Variants in MIB1 observed in about 807,000 individuals in gnomAD.
MIB1 encodes the protein E3 ubiquitin-protein ligase MIB1.
Under a neutral mutation model 124.5 loss-of-function variants are expected in MIB1, and 278 were observed. That is an observed-to-expected ratio of 2.23 (90% confidence interval 2.02 to 2.47). The LOEUF is 2.47. Ranked by LOEUF, MIB1 falls within the 30% of genes most tolerant of loss-of-function variation. The pLI is 0.00. For missense variants in MIB1, 957 were observed against 1,254.4 expected (o/e 0.76, Z 3.58); for synonymous variants, 446 against 429.4 (o/e 1.04, Z -0.48).
At chr18:21,707,029 A>G (rs1345857276) in intron 1 of MIB1, among the ~76,000 whole-genome samples, 1 of 152,222 alleles carries the variant, frequency 6.6e-6, no homozygotes, top group African/African-American at 2.4e-5. Context: ...GGGATTGTAA[A>G]TACACCAATC....
intron 1 of MIB1, among the ~76,000 whole-genome samples, chr18:21,723,440 A>G (rs1410616469): frequency 2.6e-5 from 4 of 152,138 alleles, no homozygotes; most frequent in Non-Finnish European, 5.9e-5. Context: ...ACTGGATATC[A>G]CTGCTTTTAG....
chr18:21,803,872 A>T, intron 9 of MIB1, 35 bp from the exon 10 acceptor site: 29 of 1,146,380 alleles, frequency 2.5e-5, no homozygotes, highest in Non-Finnish European at 3.4e-5. Context: ...CTGATTATTC[A>T]TTCATTCTTT....
intron 16 of MIB1, among the ~76,000 whole-genome samples, chr18:21,848,886 G>A (rs2042157722): frequency 6.6e-6 from 1 of 151,966 alleles, no homozygotes; most frequent in Non-Finnish European, 1.5e-5. Flanking sequence ...AACAGGTTCT[G>A]AGCAAAATTT....
chr18:21,827,386 T>C (rs1598630340), intron 12 of MIB1: 3 of 152,130 alleles, frequency 2.0e-5, no homozygotes, highest in Admixed American at 6.6e-5. Flanking sequence ...CTTAATATTA[T>C]AGCAAAGAGA....
chr18:21,772,407 G>A (rs139278004), intron 3 of MIB1, among the ~76,000 whole-genome samples: 5 of 152,148 alleles, frequency 3.3e-5, no homozygotes, highest in African/African-American at 1.2e-4. Context: ...TCATTTTTGT[G>A]TACAGGTTGA....
At chr18:21,860,868 C>G (rs1774944031) in intron 20 of MIB1, among the ~76,000 whole-genome samples, 1 of 152,088 alleles carries the variant, frequency 6.6e-6, no homozygotes, top group South Asian at 2.1e-4. Context: ...GACCCTGTCT[C>G]TACAAAAATT....
chr18:21,777,642 C>A (rs547125929), intron 4 of MIB1, among the ~76,000 whole-genome samples: 96 of 152,074 alleles, frequency 6.3e-4, no homozygotes, highest in Non-Finnish European at 1.4e-3. Flanking sequence ...GCAACCTCTG[C>A]CTCCCGGGTT....
intron 1 of MIB1, among the ~76,000 whole-genome samples, chr18:21,718,282 G>A (rs572823355): frequency 2.6e-5 from 4 of 152,064 alleles, no homozygotes; most frequent in Non-Finnish European, 2.9e-5. Flanking sequence ...TACAAATTGG[G>A]TGCAGTGTAT....
intron 13 of MIB1, among the ~76,000 whole-genome samples, chr18:21,840,657 ATATATATATTTTTTTTT>A (rs1421068010): frequency 3.0e-3 from 5 of 1,684 alleles, no homozygotes; most frequent in African/African-American, 8.0e-3. Flanking sequence ...ATATATATAT[ATATATATATTTTTTTTT>A]TTTTTTAATT....
At chr18:21,856,327 T>TAGGA (rs1397514442) in intron 18 of MIB1, among the ~76,000 whole-genome samples, 2 of 151,598 alleles carry the variant, frequency 1.3e-5, no homozygotes, top group Admixed American at 1.3e-4. Flanking sequence ...CTTATTGGAA[T>TAGGA]AGGAATGCAT....
chr18:21,856,155 G>A (rs573450638), intron 18 of MIB1, among the ~76,000 whole-genome samples: 1 of 151,160 alleles, frequency 6.6e-6, no homozygotes, highest in Admixed American at 6.6e-5. Flanking sequence ...GCGTGAACCC[G>A]GGAAGCGGAG....
At chr18:21,862,531 A>G (rs2042285085) in intron 20 of MIB1, among the ~76,000 whole-genome samples, 1 of 152,226 alleles carries the variant, frequency 6.6e-6, no homozygotes, top group Non-Finnish European at 1.5e-5. Context: ...TTTCAGACAT[A>G]TACCTGACAT....
rs183725159 is a variant in MIB1 at position 21,729,753 on chromosome 18, G to A, written n.167+24630G>A. 2.7e-3 allele frequency among the ~76,000 whole-genome samples: 418 copies of A among 152,300 alleles called. 1 individual carries two copies. The highest frequency in any genetic ancestry group is 9.8e-3 in the African/African-American group (406 of 41,564). ...GATCCGCCTGCCTCAACCTCCCAAA[G>A]TGCTGGGACTACAGGAGTGAGCCAC... On this transcript the variant is annotated intron_variant and non_coding_transcript_variant, in intron 1 of 20. Coordinates refer to the MIB1 transcript ENST00000578646.
Position 21,741,740 on chromosome 18 carries a change from GA to G in MIB1, c.158del (p.Asp53AlafsTer68). 6.2e-7 allele frequency: 1 copy of G among 1,611,360 alleles called. No individual in the cohort carries two copies. Among genetic ancestry groups the G allele is most frequent in the African/African-American group, 1.3e-5 (1 of 75,016 alleles). On this transcript the variant is annotated frameshift_variant, in exon 1 of 21. Coordinates refer to ENST00000261537, the MANE Select transcript of MIB1 (RefSeq NM_020774.4). LOFTEE classifies it high-confidence loss of function. The surrounding 1 kb of genome is among the most constrained non-coding windows in gnomAD (Gnocchi z 5.4). ...CCCCGAGGAGGTGGTGGTAGTGTGG[GA>G]CAACGGCACAGCTGCCAACTACCGC... ...ESPEEVVVVWDNGTAANYRCS... is the reference protein window; with the variant it reads ...ESPEEVVVVWXNGTAANYRCS...
intron 19 of MIB1, among the ~76,000 whole-genome samples, chr18:21,858,123 T>A (rs2042244220): frequency 6.6e-6 from 1 of 152,222 alleles, no homozygotes; most frequent in African/African-American, 2.4e-5. Context: ...TACGTCCTCA[T>A]AAAAATCATC....
At chr18:21,705,227 A>G (rs568570112) in intron 1 of MIB1, 2 of 152,416 alleles carry the variant, frequency 1.3e-5, no homozygotes, top group East Asian at 3.9e-4. Flanking sequence ...CCTCAAGACT[A>G]TGGAAAGAGA....
At chr18:21,777,788 C>T (rs999893340) in intron 4 of MIB1, among the ~76,000 whole-genome samples, 2 of 152,090 alleles carry the variant, frequency 1.3e-5, no homozygotes, top group African/African-American at 2.4e-5. Context: ...GAACTCCTGA[C>T]CTCAAGTGAT....
chr18:21,848,451 C>CAA (rs529907005), intron 16 of MIB1, among the ~76,000 whole-genome samples: 8 of 142,082 alleles, frequency 5.6e-5, no homozygotes, highest in Admixed American at 4.9e-4. Flanking sequence ...ATTCTGTCTC[C>CAA]AAAAAAAAAA....
At chr18:21,795,321 A>T (rs867993065) in intron 7 of MIB1, among the ~76,000 whole-genome samples, 1 of 132,578 alleles carries the variant, frequency 7.5e-6, no homozygotes, top group African/African-American at 3.1e-5. Context: ...TATTATATAT[A>T]ATATATAAAT....
Sources: allele counts gnomAD v4.1 joint callset (sites outside exome capture counted in the v4.1 genomes callset), GRCh38; gene constraint gnomAD v4.1.1; non-coding constraint Gnocchi (gnomAD v3.1); transcripts MANE v1.5; gene names NCBI Gene and HGNC (gene_info 2026-07-23, HGNC 2026-07-21).